The following DUSP22 variants were observed in gnomAD, a reference collection of about 807,000 sequenced individuals.
DUSP22 encodes the protein dual specificity protein phosphatase 22.
In DUSP22, 24 loss-of-function variants were observed where a neutral mutation model predicts 24.5. That is an observed-to-expected ratio of 0.98 (90% CI 0.71 to 1.38). DUSP22 has a LOEUF of 1.38. DUSP22 is among the 40% of genes most tolerant of loss of function. The pLI is 0.00. For synonymous variants in DUSP22, 160 were observed against 106.4 expected (o/e 1.50, Z -3.10); for missense variants, 330 against 269.2 (o/e 1.23, Z -1.58).
intron 6 of DUSP22, chr6:348,545 C>A (rs1429216246): frequency 1.1e-6 from 1 of 874,886 alleles, no homozygotes; most frequent in African/African-American, 1.7e-5. Flanking sequence ...GTACCATTTC[C>A]TTGGTCTGGC....
At chr6:343,565 T>G (rs865997837) in intron 4 of DUSP22, among the ~76,000 whole-genome samples, 1 of 152,210 alleles carries the variant, frequency 6.6e-6, no homozygotes, top group South Asian at 2.1e-4. Flanking sequence ...GCAGATGTGC[T>G]AGTTAGAGAT....
At chr6:343,615 G>A (rs1339723450) in intron 4 of DUSP22, among the ~76,000 whole-genome samples, 63 of 152,140 alleles carry the variant, frequency 4.1e-4, no homozygotes, top group Admixed American at 4.1e-3. Flanking sequence ...GGTCCCCTAG[G>A]GATTTGTGCT....
intron 2 of DUSP22, among the ~76,000 whole-genome samples, chr6:308,112 G>C (rs933368889): frequency 2.6e-4 from 39 of 152,406 alleles, no homozygotes; most frequent in African/African-American, 8.7e-4. Flanking sequence ...TGACCTTCTG[G>C]GGTTCTTCTT....
In DUSP22 at chr6:292,515, G is replaced by C. The variant is rs760730900; in HGVS notation, c.-25G>C. The C allele has an allele frequency of 1.2e-6, 2 of 1,604,842 alleles. No individual in the cohort carries two copies. The highest frequency in any genetic ancestry group is 1.7e-6 in the Non-Finnish European group (2 of 1,175,844). On this transcript the variant is annotated 5_prime_UTR_variant, in exon 1 of 7. Transcript: ENST00000419235. ...GTGCGCCTGCGACCACACGGCCGGGGCGCTAGCGTTCGCCTTCAGCCACCA... is the reference window on the plus strand; with the variant it reads ...GTGCGCCTGCGACCACACGGCCGGGCCGCTAGCGTTCGCCTTCAGCCACCA...
At chr6:306,658 A>G (rs1212263625) in intron 2 of DUSP22, among the ~76,000 whole-genome samples, 6 of 152,310 alleles carry the variant, frequency 3.9e-5, no homozygotes, top group African/African-American at 1.4e-4. Flanking sequence ...ATGAGAGTAC[A>G]GTGAATTGGC....
intron 4 of DUSP22, among the ~76,000 whole-genome samples, chr6:335,763 A>G (rs1190444867): frequency 2.0e-5 from 3 of 152,302 alleles, no homozygotes; most frequent in Non-Finnish European, 2.9e-5. Context: ...CGTTCAGACC[A>G]GCTGTGTTTC....
chr6:344,218 G>C (rs796137473), intron 4 of DUSP22, among the ~76,000 whole-genome samples: 2 of 149,762 alleles, frequency 1.3e-5, no homozygotes, highest in Non-Finnish European at 1.5e-5. Context: ...GAAAAGGGCA[G>C]TCTGAAAAAC....
intron 3 of DUSP22, among the ~76,000 whole-genome samples, chr6:330,771 T>G (rs1759104311): frequency 6.6e-6 from 1 of 152,304 alleles, no homozygotes; most frequent in South Asian, 2.1e-4. Flanking sequence ...CTGTTGTTTC[T>G]TTCAAAACCT....
At position 345,854 on chromosome 6, in the gene DUSP22, G is replaced by T; in HGVS notation, c.189G>T (p.Leu63=). The T allele has an allele frequency of 6.2e-7, 1 of 1,614,184 alleles. No individual in the cohort carries two copies. Among genetic ancestry groups the T allele is most frequent in the South Asian group, 1.1e-5 (1 of 91,084 alleles). The change falls in exon 5 of 7, where the codon CTG becomes CTT. Residue 63 remains leucine (L), a splice_region_variant and synonymous_variant. Coordinates refer to ENST00000419235, the MANE Select transcript of DUSP22 (RefSeq NM_001286555.3). ...IPAADSPSQN[L]TRHFKESIKF... is the part of the protein sequence containing the mutation. Reference sequence around the variant, plus strand: ...CATTTCTCTTTTTTTCTTTTCCCAGGACAAGACATTTCAAAGAAAGTATTA... The same window carrying T: ...CATTTCTCTTTTTTTCTTTTCCCAGTACAAGACATTTCAAAGAAAGTATTA...
At chr6:302,678 G>C (rs1757639096) in intron 1 of DUSP22, among the ~76,000 whole-genome samples, 1 of 152,308 alleles carries the variant, frequency 6.6e-6, no homozygotes. Context: ...AGATAAACAT[G>C]CTTATAGTCT....
intron 1 of DUSP22, among the ~76,000 whole-genome samples, chr6:292,856 C>G (rs940103763): frequency 2.0e-5 from 3 of 152,280 alleles, no homozygotes; most frequent in African/African-American, 2.4e-5. Flanking sequence ...CTTGTTCTGC[C>G]GAGAGGTCAG....
intron 3 of DUSP22, among the ~76,000 whole-genome samples, chr6:329,005 T>C (rs541554244): frequency 3.3e-5 from 5 of 152,418 alleles, no homozygotes; most frequent in South Asian, 4.1e-4. Flanking sequence ...GTGAAAGTCA[T>C]ACCTGGAGGA....
chr6:308,735 A>G (rs1757937574), intron 2 of DUSP22, among the ~76,000 whole-genome samples: 1 of 152,312 alleles, frequency 6.6e-6, no homozygotes, highest in African/African-American at 2.4e-5. Context: ...TTGTGAACGT[A>G]TGAAACCATT....
At chr6:322,073 A>AT (rs1170683592) in intron 3 of DUSP22, among the ~76,000 whole-genome samples, 1 of 152,272 alleles carries the variant, frequency 6.6e-6, no homozygotes, top group Non-Finnish European at 1.5e-5. Flanking sequence ...TAGTGTATGC[A>AT]TATCATCTAC....
chr6:294,739 C>T (rs1021402524), intron 1 of DUSP22, among the ~76,000 whole-genome samples: 1 of 152,286 alleles, frequency 6.6e-6, no homozygotes, highest in African/African-American at 2.4e-5. Context: ...GTCACTGTGG[C>T]TAATGGCTGC....
chr6:320,983 A>C (rs1406522871), intron 3 of DUSP22, among the ~76,000 whole-genome samples: 1 of 152,310 alleles, frequency 6.6e-6, no homozygotes, highest in Non-Finnish European at 1.5e-5. Context: ...CAGGCGTGTA[A>C]ATCCTTAAAA....
chr6:312,427 T>C (rs1000709183), intron 3 of DUSP22, among the ~76,000 whole-genome samples: 3 of 152,296 alleles, frequency 2.0e-5, no homozygotes, highest in Non-Finnish European at 4.4e-5. Context: ...GCCGCTCTAA[T>C]GTGGAGACTC....
At chr6:346,306 A>G (rs1457542207) in intron 5 of DUSP22, among the ~76,000 whole-genome samples, 1 of 152,302 alleles carries the variant, frequency 6.6e-6, no homozygotes, top group Non-Finnish European at 1.5e-5. Context: ...TTTTGAAGAC[A>G]CTGTTGTTTT....
chr6:338,541 A>G (rs1759462865), intron 4 of DUSP22, among the ~76,000 whole-genome samples: 1 of 152,308 alleles, frequency 6.6e-6, no homozygotes, highest in Non-Finnish European at 1.5e-5. Context: ...CAGACGACAA[A>G]TATTCGTATT....
Sources: gnomAD v4.1 joint callset for allele counts (sites outside exome capture counted in the v4.1 genomes callset) on GRCh38, gnomAD v4.1.1 for gene constraint, MANE v1.5 for transcripts, NCBI Gene and HGNC (gene_info 2026-07-23, HGNC 2026-07-21) for gene names.